Variants in GABRB3 observed in about 807,000 individuals in gnomAD.
GABRB3 encodes gamma-aminobutyric acid receptor subunit beta-3.
In GABRB3, 14 loss-of-function variants were observed where a neutral mutation model predicts 52.1. The observed-to-expected ratio is 0.27, with a 90% CI of 0.18 to 0.42. GABRB3 has a LOEUF of 0.42. Ranked by LOEUF, GABRB3 falls within the 10% of genes least tolerant of loss-of-function variation. GABRB3 has a pLI of 1.00. For synonymous variants in GABRB3, 260 were observed against 232.3 expected, an observed-to-expected ratio of 1.12 and a Z score of -1.08; for missense variants, 307 against 609.1, an observed-to-expected ratio of 0.50 and a Z score of 5.22.
chr15:26,597,875 G>T (rs1305080659), intron 4 of GABRB3, among the ~76,000 whole-genome samples: 1 of 152,184 alleles, frequency 6.6e-6, no homozygotes, highest in Non-Finnish European at 1.5e-5. Context: ...GAAGTCATAT[G>T]TAATTTATCA....
At chr15:26,755,564 A>G (rs1890638427) in intron 3 of GABRB3, among the ~76,000 whole-genome samples, 1 of 152,204 alleles carries the variant, frequency 6.6e-6, no homozygotes, top group Non-Finnish European at 1.5e-5. Flanking sequence ...CAATATTCAG[A>G]ATATCTGGGG....
At chr15:26,761,666 T>C (rs2140184159) in intron 3 of GABRB3, among the ~76,000 whole-genome samples, 1 of 152,236 alleles carries the variant, frequency 6.6e-6, no homozygotes, top group Admixed American at 6.5e-5. Context: ...CACTGCCTGT[T>C]TCCTCTGCTG....
chr15:26,596,726 T>C (rs959994162), intron 4 of GABRB3, among the ~76,000 whole-genome samples: 2 of 152,206 alleles, frequency 1.3e-5, no homozygotes, highest in African/African-American at 2.4e-5. Context: ...TATAATCTGT[T>C]ACTATATTTA....
chr15:26,639,035 T>C (rs1893128464), intron 3 of GABRB3, among the ~76,000 whole-genome samples: 1 of 152,142 alleles, frequency 6.6e-6, no homozygotes, highest in Admixed American at 6.5e-5. Context: ...AAGCCATCAA[T>C]GTCATGTCAA....
chr15:26,642,890 C>G (rs2140575437), intron 3 of GABRB3, among the ~76,000 whole-genome samples: 1 of 152,226 alleles, frequency 6.6e-6, no homozygotes, highest in Non-Finnish European at 1.5e-5. Context: ...TGGACTCAGT[C>G]CACAGCTTGG....
intron 3 of GABRB3, chr15:26,625,379 T>A (rs1006655954): frequency 1.6e-6 from 1 of 609,854 alleles, no homozygotes; most frequent in African/African-American, 2.0e-5. Flanking sequence ...TTTGTAAAAG[T>A]ATCCTTTTCT....
At chr15:26,551,427 T>C (rs1050147421) in intron 8 of GABRB3, among the ~76,000 whole-genome samples, 2 of 152,102 alleles carry the variant, frequency 1.3e-5, no homozygotes, top group South Asian at 4.1e-4. Context: ...CACTGCAACA[T>C]ATCTTGAGGT....
At position 26,548,144 on chromosome 15, in the gene GABRB3, C is replaced by A. The variant is rs200137318; in HGVS notation, c.1081-10G>T. On this transcript the variant is annotated splice_polypyrimidine_tract_variant and intron_variant, in intron 8 of 8. Coordinates refer to ENST00000311550, the MANE Select transcript of GABRB3 (RefSeq NM_000814.6). Reference sequence around the variant, plus strand: ...TTCCATGAGCATCCACCTAATTGGACGGAAAATGCACATGGTTAGACAGCC... The same window carrying A: ...TTCCATGAGCATCCACCTAATTGGAAGGAAAATGCACATGGTTAGACAGCC... The A allele has an allele frequency of 1.1e-5, 17 of 1,607,752 alleles. No homozygotes were observed. The highest frequency in any genetic ancestry group is 1.4e-5 in the Non-Finnish European group (16 of 1,174,448).
intron 6 of GABRB3, among the ~76,000 whole-genome samples, chr15:26,568,748 T>C (rs1360328567): frequency 2.0e-5 from 3 of 150,922 alleles, no homozygotes; most frequent in Non-Finnish European, 4.4e-5. Context: ...AACTCCCGAC[T>C]TTGTGATCCA....
At chr15:26,663,719 A>C (rs1226505962) in intron 3 of GABRB3, among the ~76,000 whole-genome samples, 1 of 152,230 alleles carries the variant, frequency 6.6e-6, no homozygotes, top group Non-Finnish European at 1.5e-5. Flanking sequence ...TAGATATTTT[A>C]ATAGCCTTGA....
chr15:26,749,761 GTGTT>G (rs760004103), intron 3 of GABRB3, among the ~76,000 whole-genome samples: 1 of 152,128 alleles, frequency 6.6e-6, no homozygotes, highest in Non-Finnish European at 1.5e-5. Flanking sequence ...TTTTTTGTTG[GTGTT>G]TGTTTGTTTG....
Position 26,673,517 on chromosome 15 carries a change from G to A in GABRB3, c.241-51983C>T, listed in dbSNP as rs144009938. Reference sequence around the variant, plus strand: ...TACTTGGAGTATAGTAAGATAGAATGGTAACCTCAAAATCCTGGCCATACA... The same window carrying A: ...TACTTGGAGTATAGTAAGATAGAATAGTAACCTCAAAATCCTGGCCATACA... On this transcript the variant is annotated intron_variant, in intron 3 of 8. Coordinates refer to ENST00000311550, the MANE Select transcript of GABRB3 (RefSeq NM_000814.6). Among the ~76,000 whole-genome samples, 1,051 of 152,276 alleles carry A rather than the reference G, an allele frequency of 6.9e-3. 15 individuals carry two copies. Among genetic ancestry groups the A allele is most frequent in the African/African-American group, 0.025 (1,022 of 41,532 alleles).
intron 4 of GABRB3, among the ~76,000 whole-genome samples, chr15:26,620,110 C>T (rs1892424129): frequency 1.3e-5 from 2 of 152,112 alleles, no homozygotes; most frequent in African/African-American, 4.8e-5. Flanking sequence ...CCTGAACCTC[C>T]GGAGCTTTAC....
rs1416162361 is a variant in GABRB3 at position 26,545,210 on chromosome 15, G to A, written c.*2583C>T. ...TGTATGTATTTGTGTGTGTGTGTGT[G>A]TGTGTGTGTGTAGTTACAAACACTA... On this transcript the variant is annotated 3_prime_UTR_variant, in exon 9 of 9. Transcript: ENST00000311550. 4 of 152,456 alleles carry A rather than the reference G, an allele frequency of 2.6e-5. No homozygotes were observed. The East Asian group carries it at 5.8e-4, about 22-fold the overall frequency. The allele number at this position is 152,456 out of a possible 1,614,324, so 9.4% of individuals were successfully genotyped here. A position where few individuals can be genotyped will look rare whatever the true frequency, so the allele number is the denominator to read the frequency against.
intron 4 of GABRB3, among the ~76,000 whole-genome samples, chr15:26,588,300 T>C (rs1891070889): frequency 6.6e-6 from 1 of 152,240 alleles, no homozygotes; most frequent in South Asian, 2.1e-4. Flanking sequence ...ACCAGTCATA[T>C]CTGTACTTTA....
chr15:26,615,666 C>T, intron 4 of GABRB3: 4 of 806,886 alleles, frequency 5.0e-6, no homozygotes, highest in Non-Finnish European at 6.2e-6. Context: ...CATCTACAGC[C>T]AAAGGTCTTC....
intron 4 of GABRB3, among the ~76,000 whole-genome samples, chr15:26,617,387 C>T (rs1257853589): frequency 1.3e-5 from 2 of 151,792 alleles, no homozygotes; most frequent in East Asian, 1.9e-4. Context: ...TGTAATCCAG[C>T]ATATAAACAG....
intron 3 of GABRB3, among the ~76,000 whole-genome samples, chr15:26,670,506 G>A (rs1348253633): frequency 6.6e-6 from 1 of 152,164 alleles, no homozygotes; most frequent in Non-Finnish European, 1.5e-5. Context: ...AGGAAGGGAA[G>A]AGAAGAGGAG....
At chr15:26,709,882 A>G (rs1198266640) in intron 3 of GABRB3, among the ~76,000 whole-genome samples, 1 of 152,160 alleles carries the variant, frequency 6.6e-6, no homozygotes, top group Non-Finnish European at 1.5e-5. Context: ...CAAACAGACT[A>G]AGGCAACCAC....
Sources: allele counts gnomAD v4.1 joint callset (sites outside exome capture counted in the v4.1 genomes callset), GRCh38; gene constraint gnomAD v4.1.1; transcripts MANE v1.5; gene names NCBI Gene and HGNC (gene_info 2026-07-23, HGNC 2026-07-21).